ITPR2: variants seen among roughly 807,000 people sequenced by gnomAD.
ITPR2 encodes the protein inositol 1,4,5-trisphosphate receptor type 2.
Under a neutral mutation model 317.1 loss-of-function variants are expected in ITPR2, and 207 were observed. The observed-to-expected ratio is 0.65, with a 90% CI of 0.58 to 0.73. The LOEUF (loss-of-function observed/expected upper bound fraction) is 0.73, where lower values mean the gene tolerates loss of function less well. Among genes scored for constraint, ITPR2 ranks in the 30% least tolerant of loss-of-function variants. ITPR2 has a pLI of 0.00. For synonymous variants in ITPR2, 1,156 were observed against 1,149.1 expected (o/e 1.01, Z -0.12); for missense variants, 2,613 against 3,284.0 (o/e 0.80, Z 4.99).
At chr12:26,684,618 G>A (rs1235880903) in intron 11 of ITPR2, among the ~76,000 whole-genome samples, 3 of 152,106 alleles carry the variant, frequency 2.0e-5, no homozygotes, top group African/African-American at 2.4e-5. Context: ...CAGATGAATC[G>A]ATGTTAATAC....
intron 2 of ITPR2, among the ~76,000 whole-genome samples, chr12:26,726,225 C>G (rs1592073761): frequency 6.6e-6 from 1 of 152,124 alleles, no homozygotes; most frequent in South Asian, 2.1e-4. Context: ...ATCCACTCCC[C>G]AAGTTTCCAA....
chr12:26,469,807 C>T (rs1459643647), intron 45 of ITPR2, among the ~76,000 whole-genome samples: 3 of 152,110 alleles, frequency 2.0e-5, no homozygotes, highest in African/African-American at 7.2e-5. Context: ...ACTGATGGAT[C>T]GAGGGCTGCA....
At chr12:26,510,518 T>C (rs1943314999) in intron 37 of ITPR2, among the ~76,000 whole-genome samples, 2 of 152,320 alleles carry the variant, frequency 1.3e-5, no homozygotes, top group South Asian at 4.1e-4. Context: ...AAGATCACAA[T>C]GTCAGCTTTT....
In ITPR2 at chr12:26,486,122, A is replaced by G; in HGVS notation, c.5793T>C (p.Asn1931=). 1 of 1,614,140 alleles carries G rather than the reference A, an allele frequency of 6.2e-7. No individual in the cohort carries two copies. Among genetic ancestry groups the G allele is most frequent in the Non-Finnish European group, 8.5e-7 (1 of 1,179,978 alleles). ...CAAATACCTGCAATTCCCGGTTGTG[A>G]TTCTCACACAGTAACTGAAGAAATC... ...ILRFLQLLCE[N]HNRELQNFLR... is the part of the protein sequence containing the mutation. The change falls in exon 41 of 57, where the codon AAT becomes AAC. Residue 1931 remains asparagine, a synonymous_variant. Coordinates refer to ENST00000381340, the MANE Select transcript of ITPR2 (RefSeq NM_002223.4).
chr12:26,688,325 C>T lies in ITPR2; in HGVS notation c.997-1693G>A, dbSNP rs544938352. 2.8e-4 allele frequency among the ~76,000 whole-genome samples: 42 copies of T among 152,272 alleles called. 1 individual carries two copies. The highest frequency in any genetic ancestry group is 9.4e-4 in the African/African-American group (39 of 41,554). On this transcript the variant is annotated intron_variant, in intron 10 of 56. Transcript: ENST00000381340. ...CAAAGGCTGGGATTACAGGCGTGGG[C>T]CACTGCACCTGGCTGATATTTCTGA... is the stretch of plus-strand genomic sequence containing the variant.
intron 9 of ITPR2, among the ~76,000 whole-genome samples, chr12:26,703,251 C>G (rs2137006066): frequency 6.6e-6 from 1 of 152,290 alleles, no homozygotes; most frequent in African/African-American, 2.4e-5. Flanking sequence ...CCATTTCTCT[C>G]AGATGTGCAT....
intron 9 of ITPR2, among the ~76,000 whole-genome samples, chr12:26,707,681 C>T (rs6487569): frequency 0.17 from 25,399 of 152,126 alleles, 2,938 homozygotes; most frequent in Non-Finnish European, 0.25. Context: ...TTACAGGCAC[C>T]CGCCATCATG....
intron 51 of ITPR2, among the ~76,000 whole-genome samples, chr12:26,412,048 A>T (rs1224031962): frequency 6.6e-6 from 1 of 152,204 alleles, no homozygotes. Context: ...TTATTTTTTT[A>T]AATGTTGTTT....
Position 26,624,373 on chromosome 12 carries a change from T to TA in ITPR2, c.3065-18dup. On this transcript the variant is annotated splice_polypyrimidine_tract_variant and intron_variant, in intron 23 of 56. Coordinates refer to ENST00000381340, the MANE Select transcript of ITPR2 (RefSeq NM_002223.4). Reference sequence around the variant, plus strand: ...GAACAATAGCTGCAAAGATAAATGGTAAAATCTCTTCTTTATCCTATTTTA... The same window carrying TA: ...GAACAATAGCTGCAAAGATAAATGGTAAAAATCTCTTCTTTATCCTATTTTA... The TA allele has an allele frequency of 6.3e-7, 1 of 1,575,688 alleles. No homozygotes were observed. The highest frequency in any genetic ancestry group is 1.1e-5 in the South Asian group (1 of 88,386).
intron 37 of ITPR2, among the ~76,000 whole-genome samples, chr12:26,541,164 A>T (rs1301292428): frequency 6.6e-6 from 1 of 151,230 alleles, no homozygotes; most frequent in African/African-American, 2.4e-5. Flanking sequence ...AAAAAAAAAA[A>T]AAATTAGCTG....
chr12:26,640,659 T>C lies in ITPR2; in HGVS notation c.2741-8600A>G, dbSNP rs190320830. The stretch of plus-strand genomic sequence containing the variant: ...ATCTATGTAGTAACTCTAAGAACCA[T>C]AGAGTCTTCTATAAGTCTATTGGAA... On this transcript the variant is annotated intron_variant, in intron 21 of 56. Coordinates refer to ENST00000381340, the MANE Select transcript of ITPR2 (RefSeq NM_002223.4). 4.5e-4 allele frequency among the ~76,000 whole-genome samples: 68 copies of C among 152,258 alleles called. No homozygotes were observed. In the East Asian group the frequency reaches 7.1e-3, roughly 16 times the overall value.
chr12:26,589,798 T>G, intron 32 of ITPR2, among the ~76,000 whole-genome samples: 1 of 20,832 alleles, frequency 4.8e-5, no homozygotes, highest in South Asian at 1.4e-3. Flanking sequence ...AAAAAAAAAA[T>G]AAATAAATAA....
intron 34 of ITPR2, among the ~76,000 whole-genome samples, chr12:26,564,825 A>G (rs1381425550): frequency 2.6e-5 from 4 of 152,238 alleles, no homozygotes; most frequent in Non-Finnish European, 5.9e-5. Flanking sequence ...CCAGACTCCT[A>G]GTCTCCAAAT....
chr12:26,596,155 A>C (rs1945838348), intron 31 of ITPR2, among the ~76,000 whole-genome samples: 2 of 152,368 alleles, frequency 1.3e-5, no homozygotes, highest in South Asian at 4.1e-4. Flanking sequence ...AAACCTGCAG[A>C]GTCTTTTATG....
intron 2 of ITPR2, among the ~76,000 whole-genome samples, chr12:26,786,642 GTGAGGTA>G (rs1950257130): frequency 1.3e-5 from 2 of 152,174 alleles, no homozygotes; most frequent in Non-Finnish European, 2.9e-5. Flanking sequence ...CTGTTCACAA[GTGAGGTA>G]ATGAGACACA....
intron 13 of ITPR2, 65 bp from the exon 14 acceptor site, chr12:26,666,116 G>C: frequency 1.0e-6 from 1 of 979,938 alleles, no homozygotes; most frequent in Non-Finnish European, 1.4e-6. Context: ...TGTATAGATA[G>C]ATGATAGGTA....
chr12:26,626,803 G>C (rs1260688401), intron 23 of ITPR2, among the ~76,000 whole-genome samples: 1 of 152,196 alleles, frequency 6.6e-6, no homozygotes, highest in African/African-American at 2.4e-5. Flanking sequence ...CGAAGAAGAG[G>C]GGAGAGTTCC....
intron 55 of ITPR2, among the ~76,000 whole-genome samples, chr12:26,383,518 C>T (rs1939575762): frequency 6.6e-6 from 1 of 151,954 alleles, no homozygotes; most frequent in Non-Finnish European, 1.5e-5. Flanking sequence ...GAGTCTTGCT[C>T]TGTTGCCCAG....
chr12:26,553,285 A>G (rs554939696), intron 36 of ITPR2, among the ~76,000 whole-genome samples: 1 of 152,356 alleles, frequency 6.6e-6, no homozygotes, highest in South Asian at 2.1e-4. Context: ...GGTTAACAGT[A>G]TCATTGACCT....
Sources: allele counts gnomAD v4.1 joint callset (sites outside exome capture counted in the v4.1 genomes callset), GRCh38; gene constraint gnomAD v4.1.1; transcripts MANE v1.5; gene names NCBI Gene and HGNC (gene_info 2026-07-23, HGNC 2026-07-21).